The following NDST4 variants were observed in gnomAD, a reference collection of about 807,000 sequenced individuals.
The protein encoded by NDST4 is N-deacetylase and N-sulfotransferase 4.
NDST4 carries 63 observed loss-of-function variants against 100.8 expected under a neutral mutation model. That is an observed-to-expected ratio of 0.62 (90% CI 0.51 to 0.77). The LOEUF is 0.77. Ranked by LOEUF, NDST4 falls within the 30% of genes least tolerant of loss-of-function variation. NDST4 has a pLI of 0.00. For missense variants in NDST4, 943 were observed against 1,018.4 expected (o/e 0.93, Z 1.01); for synonymous variants, 377 against 361.8 (o/e 1.04, Z -0.48).
chr4:114,974,581 T>G (rs1726588083), intron 3 of NDST4, among the ~76,000 whole-genome samples: 1 of 152,136 alleles, frequency 6.6e-6, no homozygotes, highest in African/African-American at 2.4e-5. Context: ...CATTTCTCAA[T>G]TAAGCTTTTG....
intron 6 of NDST4, among the ~76,000 whole-genome samples, chr4:114,895,651 C>A (rs1724697830): frequency 6.6e-6 from 1 of 151,636 alleles, no homozygotes; most frequent in Admixed American, 6.6e-5. Flanking sequence ...CAGCATCATC[C>A]TGATACCAAA....
intron 6 of NDST4, among the ~76,000 whole-genome samples, chr4:114,871,333 G>C (rs186395914): frequency 6.6e-6 from 1 of 151,516 alleles, no homozygotes; most frequent in Non-Finnish European, 1.5e-5. Context: ...TATGTGTACA[G>C]GTTGAAATAG....
intron 6 of NDST4, among the ~76,000 whole-genome samples, chr4:114,903,108 G>A (rs1724881031): frequency 6.6e-6 from 1 of 152,000 alleles, no homozygotes. Flanking sequence ...TTTTGAAACT[G>A]TGTTTTCTGC....
intron 2 of NDST4, among the ~76,000 whole-genome samples, chr4:115,061,648 G>A (rs1411318261): frequency 6.6e-6 from 1 of 151,986 alleles, no homozygotes; most frequent in African/African-American, 2.4e-5. Flanking sequence ...GGGAGGGAGA[G>A]CATTAGGACA....
At chr4:114,943,515 G>T in intron 4 of NDST4, among the ~76,000 whole-genome samples, 2 of 151,754 alleles carry the variant, frequency 1.3e-5, no homozygotes, top group African/African-American at 2.4e-5. Flanking sequence ...GTACGTTTGG[G>T]GCCTTATAGT....
At chr4:114,864,609 A>C (rs1003606852) in intron 7 of NDST4, among the ~76,000 whole-genome samples, 1 of 152,172 alleles carries the variant, frequency 6.6e-6, no homozygotes, top group Non-Finnish European at 1.5e-5. Context: ...TTATGGAAAA[A>C]CTGAGAGACA....
intron 2 of NDST4, among the ~76,000 whole-genome samples, chr4:115,057,823 T>A (rs76774486): frequency 6.6e-6 from 1 of 152,026 alleles, no homozygotes; most frequent in Non-Finnish European, 1.5e-5. Context: ...AATTAATAGA[T>A]TAAATCATAT....
At chr4:115,088,118 C>T (rs550753996) in intron 1 of NDST4, among the ~76,000 whole-genome samples, 18 of 151,892 alleles carry the variant, frequency 1.2e-4, no homozygotes, top group South Asian at 2.1e-4. Flanking sequence ...ATTTCAATAA[C>T]TTTCTAAGCC....
At chr4:114,942,066 G>A (rs944208887) in intron 4 of NDST4, among the ~76,000 whole-genome samples, 2 of 152,244 alleles carry the variant, frequency 1.3e-5, no homozygotes, top group African/African-American at 4.8e-5. Context: ...TTTCTAGCTG[G>A]ATACTATCAT....
chr4:114,838,186 T>A (rs534816676), intron 11 of NDST4, among the ~76,000 whole-genome samples: 41 of 152,258 alleles, frequency 2.7e-4, no homozygotes, highest in Non-Finnish European at 5.4e-4. Flanking sequence ...CTGGAGAGAA[T>A]GTGGAGAAAT....
At chr4:115,108,219 T>C (rs921187025) in intron 1 of NDST4, among the ~76,000 whole-genome samples, 2 of 152,024 alleles carry the variant, frequency 1.3e-5, no homozygotes, top group Non-Finnish European at 2.9e-5. Flanking sequence ...TTACCTTTCC[T>C]TGCATTAATC....
intron 2 of NDST4, among the ~76,000 whole-genome samples, chr4:114,978,904 T>G (rs1254784455): frequency 6.6e-6 from 1 of 152,138 alleles, no homozygotes; most frequent in African/African-American, 2.4e-5. Context: ...TTTTATACTC[T>G]TATTAGGAGA....
intron 3 of NDST4, among the ~76,000 whole-genome samples, chr4:114,971,002 A>C (rs77336914): frequency 0.012 from 1,821 of 152,246 alleles, 39 homozygotes; most frequent in African/African-American, 0.04. Context: ...TATTAAAGAA[A>C]TGTCAAAAGC....
rs577360036 is a variant in NDST4, at chr4:114,993,611, T to TA, written c.979-16338dup. 5.3e-4 allele frequency among the ~76,000 whole-genome samples: 80 copies of TA among 152,096 alleles called. No individual in the cohort carries two copies. In the East Asian group the frequency reaches 0.013, roughly 25 times the overall value. ...GACATAGAAATACATGTAAAATACT[T>TA]AAAAATATCTTAGCCTCTGTTTTAA... On this transcript the variant is annotated intron_variant, in intron 2 of 13. Transcript: ENST00000264363.
At chr4:115,096,190 AG>A (rs1729618482) in intron 1 of NDST4, among the ~76,000 whole-genome samples, 1 of 37,884 alleles carries the variant, frequency 2.6e-5, no homozygotes, top group Non-Finnish European at 5.0e-5. Flanking sequence ...GATAATGGAT[AG>A]AACATTACTC....
At chr4:114,954,820 C>T (rs535834070) in intron 4 of NDST4, among the ~76,000 whole-genome samples, 1 of 152,258 alleles carries the variant, frequency 6.6e-6, no homozygotes, top group East Asian at 1.9e-4. Context: ...AATGGCTTAA[C>T]ACTAACCTTC....
intron 4 of NDST4, among the ~76,000 whole-genome samples, chr4:114,964,294 C>G (rs1161308591): frequency 3.3e-5 from 5 of 152,150 alleles, no homozygotes; most frequent in Admixed American, 2.0e-4. Context: ...TCCAGTTGAG[C>G]CTTGAAATGA....
intron 2 of NDST4, among the ~76,000 whole-genome samples, chr4:114,996,387 T>C (rs1365019103): frequency 2.0e-5 from 3 of 152,134 alleles, no homozygotes; most frequent in Non-Finnish European, 4.4e-5. Context: ...CTTTTCTTTA[T>C]AAATTACTCA....
At chr4:115,081,776 A>G (rs1439035493) in intron 1 of NDST4, among the ~76,000 whole-genome samples, 1 of 152,174 alleles carries the variant, frequency 6.6e-6, no homozygotes, top group African/African-American at 2.4e-5. Context: ...CAAGTCAGCA[A>G]GAAACAGAAA....
Sources: allele counts gnomAD v4.1 joint callset (sites outside exome capture counted in the v4.1 genomes callset), GRCh38; gene constraint gnomAD v4.1.1; transcripts MANE v1.5; gene names NCBI Gene and HGNC (gene_info 2026-07-23, HGNC 2026-07-21).